Variants in CASK observed in about 807,000 individuals in gnomAD.
CASK encodes the protein peripheral plasma membrane protein CASK.
CASK carries 4 observed loss-of-function variants against 82.9 expected under a neutral mutation model. That is an observed-to-expected ratio of 0.05 (90% CI 0.02 to 0.11). The LOEUF (loss-of-function observed/expected upper bound fraction) is 0.11. Among genes scored for constraint, CASK ranks in the 10% least tolerant of loss-of-function variants. The pLI is 1.00. For synonymous variants in CASK, 259 were observed against 253.5 expected, an observed-to-expected ratio of 1.02 and a Z score of -0.20; for missense variants, 358 against 720.9, an observed-to-expected ratio of 0.50 and a Z score of 5.76.
intron 1 of CASK, among the ~76,000 whole-genome samples, chrX:41,863,349 A>T (rs896182453): frequency 1.8e-5 from 2 of 111,792 alleles, no homozygotes; most frequent in Non-Finnish European, 3.8e-5. Flanking sequence ...GCTGCTAATG[A>T]CAGCACTTCA....
chrX:41,814,673 T>C (rs2070377842), intron 2 of CASK, among the ~76,000 whole-genome samples: 2 of 109,334 alleles, frequency 1.8e-5, no homozygotes, highest in Non-Finnish European at 3.8e-5. Context: ...CACACCAACA[T>C]GGCACATGTA....
At chrX:41,918,026 G>T (rs1413774185) in intron 1 of CASK, among the ~76,000 whole-genome samples, 1 of 112,009 alleles carries the variant, frequency 8.9e-6, no homozygotes, top group African/African-American at 3.2e-5. Flanking sequence ...CTGTGATCAT[G>T]CACTGCTTTC....
intron 15 of CASK, among the ~76,000 whole-genome samples, chrX:41,573,099 G>A: frequency 1.0e-5 from 1 of 96,759 alleles, no homozygotes. Flanking sequence ...TTTTGAGATG[G>A]AGTCTCGCTC....
chrX:41,817,485 CAG>C (rs1234708472), intron 2 of CASK, among the ~76,000 whole-genome samples: 8 of 111,520 alleles, frequency 7.2e-5, no homozygotes, highest in Non-Finnish European at 9.4e-5. Flanking sequence ...TGGAGAAAAT[CAG>C]AGAGAGTCTA....
At chrX:41,816,700 TATACTA>T (rs1601863100) in intron 2 of CASK, among the ~76,000 whole-genome samples, 1 of 110,683 alleles carries the variant, frequency 9.0e-6, no homozygotes. Flanking sequence ...GTTTTACAGA[TATACTA>T]AGAATAATGA....
intron 3 of CASK, among the ~76,000 whole-genome samples, chrX:41,770,673 G>A (rs2147793874): frequency 9.0e-6 from 1 of 111,415 alleles, no homozygotes; most frequent in Admixed American, 9.6e-5. Flanking sequence ...ACAGGTGTGA[G>A]CCACCATGCC....
At chrX:41,691,496 G>A (rs2067558036) in intron 5 of CASK, among the ~76,000 whole-genome samples, 2 of 111,275 alleles carry the variant, frequency 1.8e-5, no homozygotes, top group Non-Finnish European at 3.8e-5. Context: ...TAAGGAGTGA[G>A]ATTTGGTGAA....
chrX:41,755,916 T>TG (rs1295823188), intron 3 of CASK, among the ~76,000 whole-genome samples: 1 of 112,167 alleles, frequency 8.9e-6, no homozygotes, highest in Non-Finnish European at 1.9e-5. Context: ...AAAATTATCC[T>TG]GTTCACTGAC....
At chrX:41,660,641 G>T (rs1025466062) in intron 7 of CASK, 80 bp from the exon 8 acceptor site, 5 of 972,726 alleles carry the variant, frequency 5.1e-6, no homozygotes, top group Non-Finnish European at 7.3e-6. Flanking sequence ...TTCCTATATT[G>T]CTTCAATGTG....
intron 12 of CASK, among the ~76,000 whole-genome samples, chrX:41,596,124 G>A (rs1230553087): frequency 3.8e-5 from 4 of 105,409 alleles, no homozygotes; most frequent in African/African-American, 1.0e-4. Context: ...GAACCCGAGA[G>A]GTGGAGGTTA....
chrX:41,693,089 A>AT (rs1171078737), intron 5 of CASK, among the ~76,000 whole-genome samples: 2 of 111,606 alleles, frequency 1.8e-5, no homozygotes, highest in Non-Finnish European at 3.8e-5. Flanking sequence ...AAAATCCAAA[A>AT]TAACTACTCA....
At position 41,830,656 on chromosome X, in the gene CASK, T is replaced by C. The variant is rs868489784; in HGVS notation, c.172+22459A>G. ...TAACTCGGTGAAACCCCGTCTCTAC[T>C]AAAAATACAAAAAATTAGCCGGGCG... On this transcript the variant is annotated intron_variant, in intron 2 of 26. Transcript: ENST00000378163. Among the ~76,000 whole-genome samples the C allele has an allele frequency of 6.5e-5, 7 of 106,991 alleles. No homozygotes were observed. In the South Asian group the frequency reaches 2.2e-3, roughly 33 times the overall value. The allele number at this position is 106,991 out of a possible 115,157, so 92.9% of individuals were successfully genotyped here.
intron 26 of CASK, among the ~76,000 whole-genome samples, chrX:41,523,747 T>G (rs889742427): frequency 3.6e-5 from 4 of 112,079 alleles, no homozygotes; most frequent in African/African-American, 1.3e-4. Context: ...CTGGGATGCC[T>G]CGGTCCTGGT....
intron 2 of CASK, among the ~76,000 whole-genome samples, chrX:41,789,287 T>C (rs1379319280): frequency 9.0e-6 from 1 of 111,688 alleles, no homozygotes; most frequent in Non-Finnish European, 1.9e-5. Context: ...CAAATGACTT[T>C]CTTAGAGTCA....
intron 2 of CASK, among the ~76,000 whole-genome samples, chrX:41,794,836 C>T (rs2069814701): frequency 1.8e-5 from 2 of 112,494 alleles, no homozygotes; most frequent in African/African-American, 6.5e-5. Context: ...GTGCTTTATA[C>T]TTTCATAATT....
chrX:41,845,613 C>T (rs764010548), intron 2 of CASK, among the ~76,000 whole-genome samples: 8 of 111,504 alleles, frequency 7.2e-5, no homozygotes, highest in Non-Finnish European at 1.3e-4. Context: ...AAGTATGTCT[C>T]TTCCAGACAG....
intron 3 of CASK, among the ~76,000 whole-genome samples, chrX:41,753,875 G>T (rs190867868): frequency 8.9e-6 from 1 of 111,976 alleles, no homozygotes; most frequent in Non-Finnish European, 1.9e-5. Context: ...TATGGAGCAA[G>T]ACCTCATCTC....
At chrX:41,528,145 C>T (rs770666408) in intron 25 of CASK, among the ~76,000 whole-genome samples, 4 of 112,427 alleles carry the variant, frequency 3.6e-5, no homozygotes, top group East Asian at 5.6e-4. Flanking sequence ...AAGCCTTAAT[C>T]GAGTCACAAT....
intron 15 of CASK, among the ~76,000 whole-genome samples, chrX:41,570,010 CTTTTTTTTTTTTTTTTT>C (rs397937722): frequency 9.9e-5 from 7 of 70,628 alleles, no homozygotes; most frequent in African/African-American, 3.6e-4. Context: ...TTTCTTTTTT[CTTTTTTTTTTTTTTTTT>C]TTTGAGACTC....
Sources: gnomAD v4.1 joint callset for allele counts (sites outside exome capture counted in the v4.1 genomes callset) on GRCh38, gnomAD v4.1.1 for gene constraint, MANE v1.5 for transcripts, NCBI Gene and HGNC (gene_info 2026-07-23, HGNC 2026-07-21) for gene names.